Variants in AKR1E2 observed in about 807,000 individuals in gnomAD.
AKR1E2 encodes the protein 1,5-anhydro-D-fructose reductase.
In AKR1E2, 43 loss-of-function variants were observed where a neutral mutation model predicts 41.9. The observed-to-expected ratio is 1.03, with a 90% CI of 0.80 to 1.32. The LOEUF (loss-of-function observed/expected upper bound fraction) is 1.32. AKR1E2 is among the 40% of genes most tolerant of loss of function. The pLI, the probability that AKR1E2 is intolerant of heterozygous loss-of-function variation, is 0.00. For synonymous variants in AKR1E2, 121 were observed against 138.9 expected (o/e 0.87, Z 0.91); for missense variants, 423 against 396.5 (o/e 1.07, Z -0.57).
chr10:4,858,150 A>G, the AKR1E2 span, among the ~76,000 whole-genome samples: 2 of 152,232 alleles, frequency 1.3e-5, no homozygotes, highest in Non-Finnish European at 2.9e-5. Flanking sequence ...ATTTCAGGAA[A>G]ACGAGTCAAA....
chr10:4,852,785 G>T (rs113231943), downstream of AKR1E2, among the ~76,000 whole-genome samples: 3 of 151,972 alleles, frequency 2.0e-5, no homozygotes, highest in Admixed American at 1.3e-4. Flanking sequence ...TGGCTTACAC[G>T]GCAGAAATCC....
At chr10:4,848,761 G>A (rs1478905538), downstream of AKR1E2, among the ~76,000 whole-genome samples, 3 of 152,116 alleles carry the variant, frequency 2.0e-5, no homozygotes, top group African/African-American at 7.2e-5. Context: ...ATCACAAGCA[G>A]GCCAGCTGAG....
downstream of AKR1E2, among the ~76,000 whole-genome samples, chr10:4,852,339 G>A (rs1306013085): frequency 6.6e-6 from 1 of 152,198 alleles, no homozygotes; most frequent in East Asian, 1.9e-4. Flanking sequence ...TGAAGAGCAT[G>A]AAAAAGGCTC....
At chr10:4,872,750 A>G in the AKR1E2 span, among the ~76,000 whole-genome samples, 3 of 152,214 alleles carry the variant, frequency 2.0e-5, no homozygotes, top group Non-Finnish European at 4.4e-5. Context: ...TAATGTGGTA[A>G]AGATAAAATA....
chr10:4,839,760 AT>A lies in AKR1E2; in HGVS notation c.615del (p.Leu206Ter). On this transcript the variant is annotated frameshift_variant, in exon 6 of 10. Transcript: ENST00000298375. LOFTEE classifies it high-confidence loss of function. ...IECHPYLTQK[N>X]LISFCQSRDV... ...TGCCACCCATATCTTACTCAGAAGA[AT>A]CTGATCAGTTTTTGCCAATCCAGAG... 6.2e-7 allele frequency: 1 copy of A among 1,613,892 alleles called. No individual in the cohort carries two copies.
downstream of AKR1E2, among the ~76,000 whole-genome samples, chr10:4,851,937 A>G (rs1834533440): frequency 6.6e-6 from 1 of 152,216 alleles, no homozygotes; most frequent in South Asian, 2.1e-4. Flanking sequence ...GATAGGACAC[A>G]TTCCACCCCA....
chr10:4,861,685 C>A, the AKR1E2 span, among the ~76,000 whole-genome samples: 1 of 152,082 alleles, frequency 6.6e-6, no homozygotes, highest in Admixed American at 6.6e-5. Flanking sequence ...TCTTTATAGT[C>A]AAAAATTCTT....
chr10:4,870,907 G>A, the AKR1E2 span, among the ~76,000 whole-genome samples: 1 of 151,940 alleles, frequency 6.6e-6, no homozygotes, highest in Non-Finnish European at 1.5e-5. Context: ...TTTCTTTTCA[G>A]GATTTGATGG....
chr10:4,830,978 G>A, intron 2 of AKR1E2, 136 bp downstream of exon 2: 1 of 1,115,202 alleles, frequency 9.0e-7, no homozygotes, highest in South Asian at 1.6e-5. Flanking sequence ...ACAGCTTCAT[G>A]AGCATGCTGA....
chr10:4,835,451 G>A (rs547362194), intron 3 of AKR1E2, among the ~76,000 whole-genome samples: 1 of 152,184 alleles, frequency 6.6e-6, no homozygotes, highest in Non-Finnish European at 1.5e-5. Context: ...TTCCCATCTT[G>A]TGAGAGATGA....
chr10:4,831,940 A>G (rs1416187417), intron 2 of AKR1E2, among the ~76,000 whole-genome samples: 2 of 152,160 alleles, frequency 1.3e-5, no homozygotes, highest in Non-Finnish European at 2.9e-5. Flanking sequence ...GCCAGGTAGG[A>G]GACATTAACA....
intron 7 of AKR1E2, 27 bp downstream of exon 7, chr10:4,841,884 A>C (rs2278869): frequency 6.2e-7 from 1 of 1,606,018 alleles, no homozygotes. Context: ...GTTCTGAGCC[A>C]GGTGGGGTTC....
chr10:4,856,782 T>C, the AKR1E2 span, among the ~76,000 whole-genome samples: 596 of 152,278 alleles, frequency 3.9e-3, 3 homozygotes, highest in African/African-American at 0.014. Flanking sequence ...GTCAATTATG[T>C]TTTTGACTGT....
the AKR1E2 span, among the ~76,000 whole-genome samples, chr10:4,855,498 C>G: frequency 6.6e-6 from 1 of 152,184 alleles, no homozygotes; most frequent in South Asian, 2.1e-4. Flanking sequence ...GCGAGCTTGA[C>G]CTTGTAACCA....
Position 4,841,846 on chromosome 10 carries a change from T to C in AKR1E2, c.742T>C (p.Ser248Pro). ...GAGGATTGCAAAGGAGCACGGCAAG[T>C]CTCCTGCTCAGGTAGGGAGGGAGGG... ...IKRIAKEHGK[S>P]PAQILIRFQI... The change falls in exon 7 of 10, where the codon TCT becomes CCT. Residue 248 changes from serine to proline, a missense_variant. Physicochemically the swap from Ser to Pro is moderately conservative, Grantham distance 74. Coordinates refer to ENST00000298375, the MANE Select transcript of AKR1E2 (RefSeq NM_001040177.3). 6 of 1,613,488 alleles carry C rather than the reference T, an allele frequency of 3.7e-6. No individual in the cohort carries two copies. The highest frequency in any genetic ancestry group is 5.1e-6 in the Non-Finnish European group (6 of 1,179,748).
At chr10:4,835,097 T>G (rs913377978) in intron 3 of AKR1E2, among the ~76,000 whole-genome samples, 1 of 152,238 alleles carries the variant, frequency 6.6e-6, no homozygotes, top group Admixed American at 6.5e-5. Context: ...GCCTATGCCA[T>G]TCACCCTTAA....
chr10:4,826,562 G>A (rs970871005), intron 1 of AKR1E2, among the ~76,000 whole-genome samples, 199 bp downstream of exon 1: 6 of 152,168 alleles, frequency 3.9e-5, no homozygotes, highest in Admixed American at 6.5e-5. Flanking sequence ...AAACGGAGTC[G>A]GTGCTGCCCG....
chr10:4,839,628 C>A, intron 5 of AKR1E2, 101 bp from the exon 6 acceptor site: 1 of 1,074,188 alleles, frequency 9.3e-7, no homozygotes, highest in Non-Finnish European at 1.4e-6. Flanking sequence ...GGCCCCATGG[C>A]TACTCGGTGA....
the AKR1E2 span, among the ~76,000 whole-genome samples, chr10:4,863,369 A>G: frequency 1.3e-5 from 2 of 152,260 alleles, no homozygotes; most frequent in Admixed American, 1.3e-4. Context: ...TACTGGGTAC[A>G]TAACAAAATG....
Sources: allele counts gnomAD v4.1 joint callset (sites outside exome capture counted in the v4.1 genomes callset), GRCh38; gene constraint gnomAD v4.1.1; transcripts MANE v1.5; gene names NCBI Gene and HGNC (gene_info 2026-07-23, HGNC 2026-07-21).